The following ABCB5 variants were observed in gnomAD, a reference collection of about 807,000 sequenced individuals.
ABCB5 encodes the protein ATP-binding cassette sub-family B member 5.
A neutral mutation model predicts 144.2 loss-of-function variants in ABCB5; 155 were observed. The ratio of observed to expected loss-of-function variants is 1.08; its 90% confidence interval spans 0.94 to 1.23. The LOEUF is 1.23. ABCB5 is among the 50% of genes most tolerant of loss of function. ABCB5 has a pLI of 0.00. For missense variants in ABCB5, 1,830 were observed against 1,520.8 expected (o/e 1.20, Z -3.38); for synonymous variants, 610 against 528.6 (o/e 1.15, Z -2.11).
Position 20,740,079 on chromosome 7 carries a change from A to T in ABCB5, c.3024+940A>T, listed in dbSNP as rs189731894. On this transcript the variant is annotated intron_variant, in intron 24 of 27. Coordinates refer to ENST00000404938, the MANE Select transcript of ABCB5 (RefSeq NM_001163941.2). ...ACCCCGTCTCTACTAAAAATAAAAA[A>T]ATTAAAAAAATTCAGCCGGGTGTGG... Among the ~76,000 whole-genome samples, 507 of 152,214 alleles carry T rather than the reference A, an allele frequency of 3.3e-3. 10 individuals are homozygous for T. The highest frequency in any genetic ancestry group is 0.027 in the Admixed American group (406 of 15,292).
intron 14 of ABCB5, among the ~76,000 whole-genome samples, chr7:20,660,846 C>T (rs1784981058): frequency 6.6e-6 from 1 of 152,176 alleles, no homozygotes. Context: ...CCACAACCTG[C>T]CCTCACATAT....
chr7:20,749,624 C>A (rs1324570799), intron 26 of ABCB5, among the ~76,000 whole-genome samples: 1 of 151,890 alleles, frequency 6.6e-6, no homozygotes. Flanking sequence ...GAAGATAGGA[C>A]AAATATAGTC....
chr7:20,645,644 T>C (rs1473373072), intron 7 of ABCB5, 112 bp from the exon 8 acceptor site: 1 of 1,322,758 alleles, frequency 7.6e-7, no homozygotes, highest in Non-Finnish European at 1.0e-6. Context: ...AGAGATAAAG[T>C]CTAAAAAAAT....
intron 12 of ABCB5, among the ~76,000 whole-genome samples, chr7:20,650,512 G>A (rs879298037): frequency 1.3e-5 from 2 of 151,722 alleles, no homozygotes; most frequent in Non-Finnish European, 2.9e-5. Context: ...TACCTATCAA[G>A]AATTTCAAAG....
intron 26 of ABCB5, among the ~76,000 whole-genome samples, chr7:20,747,581 T>A (rs565600089): frequency 6.6e-6 from 1 of 152,314 alleles, no homozygotes; most frequent in Admixed American, 6.5e-5. Flanking sequence ...TTAAATTGTT[T>A]ATTATCTTCT....
chr7:20,679,379 G>A (rs928847889), intron 14 of ABCB5, among the ~76,000 whole-genome samples: 11 of 147,608 alleles, frequency 7.5e-5, no homozygotes, highest in African/African-American at 2.8e-4. Flanking sequence ...TGAGGCAGGA[G>A]AGAATTGCTT....
chr7:20,683,977 A>AG (rs11383925), intron 15 of ABCB5, among the ~76,000 whole-genome samples: 152,308 of 152,308 alleles, frequency 1, 76,154 homozygotes, highest in Non-Finnish European at 1. Context: ...TAATAGTTTT[A>AG]GTCCTTGGCA....
chr7:20,629,739 G>C (rs1783991570), intron 4 of ABCB5, among the ~76,000 whole-genome samples: 1 of 152,036 alleles, frequency 6.6e-6, no homozygotes, highest in Admixed American at 6.6e-5. Flanking sequence ...TCCAGCCTGG[G>C]CAACAAGAGC....
chr7:20,721,359 T>C (rs1483155344), intron 20 of ABCB5, among the ~76,000 whole-genome samples: 1 of 152,340 alleles, frequency 6.6e-6, no homozygotes, highest in African/African-American at 2.4e-5. Flanking sequence ...ATAGTATCCA[T>C]CTCTTTGCAT....
intron 12 of ABCB5, among the ~76,000 whole-genome samples, chr7:20,650,420 T>TA (rs1216691091): frequency 1.3e-4 from 20 of 152,122 alleles, no homozygotes; most frequent in Non-Finnish European, 5.9e-5. Flanking sequence ...AGGCAGACAA[T>TA]AAAAAAATAA....
At chr7:20,659,394 G>GTT in intron 14 of ABCB5, 3 of 1,185,360 alleles carry the variant, frequency 2.5e-6, no homozygotes, top group Non-Finnish European at 3.1e-6. Flanking sequence ...TGAGTTAAGC[G>GTT]TTTTTTTTTC....
intron 23 of ABCB5, among the ~76,000 whole-genome samples, chr7:20,730,368 G>A (rs1024382148): frequency 6.6e-6 from 1 of 152,208 alleles, no homozygotes; most frequent in Non-Finnish European, 1.5e-5. Flanking sequence ...AATTAGCCAT[G>A]TATGGCGGTG....
intron 16 of ABCB5, among the ~76,000 whole-genome samples, chr7:20,691,384 AAG>A (rs1311290202): frequency 6.6e-6 from 1 of 151,586 alleles, no homozygotes; most frequent in Non-Finnish European, 1.5e-5. Context: ...ACTTCTCAGA[AAG>A]AGAAAAGCCC....
chr7:20,658,524 G>A lies in ABCB5; in HGVS notation c.1555G>A (p.Gly519Arg). The A allele has an allele frequency of 2.5e-6, 4 of 1,613,488 alleles. No homozygotes were observed. The highest frequency in any genetic ancestry group is 1.1e-5 in the South Asian group (1 of 90,922). Residue 519 changes from glycine (G) to arginine (R), a missense_variant, in exon 14 of 28, where the codon GGG (glycine) becomes AGG (arginine). Physicochemically the swap from Gly to Arg is moderately radical, Grantham distance 125 (BLOSUM62 -2). Transcript: ENST00000404938. Reference sequence around the variant, plus strand: ...TCATTAGAAATTTAATACATTGGTAGGGGAAAAAGGAGCTCAAATGAGTGG... The same window carrying A: ...TCATTAGAAATTTAATACATTGGTAAGGGAAAAAGGAGCTCAAATGAGTGG... ...EFPNKFNTLVGEKGAQMSGGQ... is the reference protein window; with the variant it reads ...EFPNKFNTLVREKGAQMSGGQ...
chr7:20,702,230 T>C (rs908139940), intron 19 of ABCB5, among the ~76,000 whole-genome samples: 5 of 152,256 alleles, frequency 3.3e-5, no homozygotes, highest in African/African-American at 1.2e-4. Context: ...CAATTCTTAA[T>C]GATAAATAAT....
intron 5 of ABCB5, among the ~76,000 whole-genome samples, chr7:20,638,372 T>C (rs1784210777): frequency 7.4e-6 from 1 of 135,862 alleles, no homozygotes; most frequent in South Asian, 2.8e-4. Flanking sequence ...TGTTGATGTA[T>C]AATTTATTTA....
chr7:20,636,153 T>A (rs928131582), intron 5 of ABCB5, among the ~76,000 whole-genome samples: 2 of 152,280 alleles, frequency 1.3e-5, no homozygotes, highest in Admixed American at 6.5e-5. Flanking sequence ...AAAGTTCTTT[T>A]CTTAGCTAAT....
intron 6 of ABCB5, 41 bp from the exon 7 acceptor site, chr7:20,643,420 G>C (rs905771934): frequency 1.2e-6 from 2 of 1,613,144 alleles, no homozygotes. Context: ...TTTCATATGT[G>C]ACATGTAAAT....
At chr7:20,660,861 T>C (rs1486153236) in intron 14 of ABCB5, among the ~76,000 whole-genome samples, 1 of 152,118 alleles carries the variant, frequency 6.6e-6, no homozygotes, top group Non-Finnish European at 1.5e-5. Flanking sequence ...ACATATCCCT[T>C]CCATCCCCTC....
Sources: gnomAD v4.1 joint callset for allele counts (sites outside exome capture counted in the v4.1 genomes callset) on GRCh38, gnomAD v4.1.1 for gene constraint, MANE v1.5 for transcripts, NCBI Gene and HGNC (gene_info 2026-07-23, HGNC 2026-07-21) for gene names.